PPFIA2: variants seen among roughly 807,000 people sequenced by gnomAD.
PPFIA2 encodes liprin-alpha-2.
A neutral mutation model predicts 175.5 loss-of-function variants in PPFIA2; 46 were observed. The ratio of observed to expected loss-of-function variants is 0.26; its 90% CI spans 0.21 to 0.34. The LOEUF (loss-of-function observed/expected upper bound fraction) is 0.34, where lower values mean the gene tolerates loss of function less well. PPFIA2 is among the 10% of genes least tolerant of loss of function. PPFIA2 has a pLI of 1.00. For missense variants in PPFIA2, 1,179 were observed against 1,506.1 expected (o/e 0.78, Z 3.60); for synonymous variants, 568 against 511.4 (o/e 1.11, Z -1.49).
chr12:81,348,188 A>G (rs2059394343), intron 17 of PPFIA2, among the ~76,000 whole-genome samples: 1 of 152,184 alleles, frequency 6.6e-6, no homozygotes, highest in Admixed American at 6.5e-5. Context: ...AGAAAAAGTG[A>G]AAGATTATAA....
chr12:81,292,456 A>G (rs1181975383), intron 24 of PPFIA2: 1 of 152,006 alleles, frequency 6.6e-6, no homozygotes, highest in Non-Finnish European at 1.5e-5. Context: ...CCTCCTCCTC[A>G]GCGTACTTTC....
intron 5 of PPFIA2, among the ~76,000 whole-genome samples, chr12:81,448,641 G>GT (rs1453665482): frequency 2.0e-5 from 3 of 152,150 alleles, no homozygotes; most frequent in Admixed American, 2.0e-4. Context: ...CTGCCTTGCA[G>GT]TTTTTTGTTT....
chr12:81,696,105 G>A, intron 3 of PPFIA2, among the ~76,000 whole-genome samples: 1 of 151,986 alleles, frequency 6.6e-6, no homozygotes, highest in South Asian at 2.1e-4. Context: ...TGTAACCTTG[G>A]GCTAGTTACT....
At chr12:81,425,246 A>G (rs2046943002) in intron 7 of PPFIA2, among the ~76,000 whole-genome samples, 2 of 152,164 alleles carry the variant, frequency 1.3e-5, no homozygotes, top group Non-Finnish European at 2.9e-5. Context: ...GCTTTCTGAG[A>G]ACGATAAAAC....
At chr12:81,294,281 T>G (rs1201367110) in intron 24 of PPFIA2, among the ~76,000 whole-genome samples, 1 of 151,986 alleles carries the variant, frequency 6.6e-6, no homozygotes, top group African/African-American at 2.4e-5. Context: ...ATGTACCCCC[T>G]GAATCTATAA....
chr12:81,447,199 C>T lies in PPFIA2; in HGVS notation c.406-1479G>A, dbSNP rs1274208513. Among the ~76,000 whole-genome samples, 6 of 151,956 alleles carry T rather than the reference C, an allele frequency of 3.9e-5. No homozygotes were observed. The East Asian group carries it at 1.2e-3, about 29-fold the overall frequency. On this transcript the variant is annotated intron_variant, in intron 5 of 32. Coordinates refer to ENST00000549396, the MANE Select transcript of PPFIA2 (RefSeq NM_003625.5). ...AATAACCTGAAATTTTCAAGGAGCC[C>T]TTTAAAATTTATCAATCTCTGATTA...
At chr12:81,608,640 T>C (rs769455770) in intron 4 of PPFIA2, among the ~76,000 whole-genome samples, 4 of 152,104 alleles carry the variant, frequency 2.6e-5, no homozygotes, top group Non-Finnish European at 4.4e-5. Flanking sequence ...AGTTGTAATG[T>C]CATCTTTATC....
At chr12:81,604,897 G>T (rs1338043729) in intron 4 of PPFIA2, among the ~76,000 whole-genome samples, 2 of 151,544 alleles carry the variant, frequency 1.3e-5, no homozygotes, top group African/African-American at 4.8e-5. Context: ...AACTTAAAAC[G>T]GAGTAAATTA....
In PPFIA2 at chr12:81,493,787, T is replaced by TATATAGACAC. The variant is rs1491517743; in HGVS notation, c.304-35922_304-35921insGTGTCTATAT. 3.1e-3 allele frequency among the ~76,000 whole-genome samples: 392 copies of TATATAGACAC among 128,348 alleles called. 3 individuals are homozygous for TATATAGACAC. Among genetic ancestry groups the TATATAGACAC allele is most frequent in the African/African-American group, 0.012 (376 of 32,456 alleles). 84.2% of individuals were successfully genotyped at this position (128,348 alleles called of 152,430 possible). A position where few individuals can be genotyped will look rare whatever the true frequency, so the allele number is the denominator to read the frequency against. On this transcript the variant is annotated intron_variant, in intron 4 of 32. Transcript: ENST00000549396. ...ATATATATATATATATATATATATA[T>TATATAGACAC]ACACATTGGAAAAAATAACAGCATT... is the stretch of plus-strand genomic sequence containing the variant.
chr12:81,544,655 G>A (rs1163815295), intron 4 of PPFIA2, among the ~76,000 whole-genome samples: 1 of 152,056 alleles, frequency 6.6e-6, no homozygotes, highest in African/African-American at 2.4e-5. Context: ...ACAGAGAACT[G>A]CATGCTTTTG....
At position 81,369,110 on chromosome 12, in the gene PPFIA2, C is replaced by A; in HGVS notation, c.1350+1G>T. The A allele has an allele frequency of 6.3e-7, 1 of 1,592,296 alleles. No individual in the cohort carries two copies. The highest frequency in any genetic ancestry group is 8.6e-7 in the Non-Finnish European group (1 of 1,162,926). On this transcript the variant is annotated splice_donor_variant, in intron 12 of 32. Coordinates refer to ENST00000549396, the MANE Select transcript of PPFIA2 (RefSeq NM_003625.5). LOFTEE classifies it high-confidence loss of function. ...GGGGTAATAGTTCTTAATATACATA[C>A]TCTTTGAAGTTCTTGATTCTTCTCT...
chr12:81,494,178 T>A (rs528138274), intron 4 of PPFIA2, among the ~76,000 whole-genome samples: 58 of 151,930 alleles, frequency 3.8e-4, no homozygotes, highest in African/African-American at 1.4e-3. Context: ...GGGAAAAAAT[T>A]TTCGCAACCT....
chr12:81,567,222 T>C (rs553895241), intron 4 of PPFIA2, among the ~76,000 whole-genome samples: 3 of 152,246 alleles, frequency 2.0e-5, no homozygotes, highest in South Asian at 2.1e-4. Flanking sequence ...TAATTTCTTT[T>C]GTATTTTTAG....
At chr12:81,738,336 A>G (rs1459013329) in intron 3 of PPFIA2, among the ~76,000 whole-genome samples, 3 of 151,986 alleles carry the variant, frequency 2.0e-5, no homozygotes, top group Non-Finnish European at 4.4e-5. Flanking sequence ...ACTCATCTGC[A>G]GACGTACAGT....
Position 81,574,574 on chromosome 12 carries a change from A to G in PPFIA2, c.303+102217T>C, listed in dbSNP as rs1417879842. Among the ~76,000 whole-genome samples the G allele has an allele frequency of 2.0e-5, 3 of 151,964 alleles. No individual in the cohort carries two copies. In the East Asian group the frequency reaches 5.8e-4, roughly 29 times the overall value. On this transcript the variant is annotated intron_variant, in intron 4 of 32. Coordinates refer to ENST00000549396, the MANE Select transcript of PPFIA2 (RefSeq NM_003625.5). ...CCAATTGAATGCAATAAAAAATTGCAAAACCTACTAAGTACCTTTTTAGTC... is the reference window on the plus strand; with the variant it reads ...CCAATTGAATGCAATAAAAAATTGCGAAACCTACTAAGTACCTTTTTAGTC...
intron 8 of PPFIA2, among the ~76,000 whole-genome samples, chr12:81,384,594 CTATGA>C (rs1430235236): frequency 6.6e-6 from 1 of 151,778 alleles, no homozygotes; most frequent in Non-Finnish European, 1.5e-5. Flanking sequence ...ATTTACAATG[CTATGA>C]TATAACACCA....
intron 4 of PPFIA2, among the ~76,000 whole-genome samples, chr12:81,648,721 ATTGTAGC>A (rs2066552479): frequency 6.6e-6 from 1 of 151,992 alleles, no homozygotes; most frequent in Non-Finnish European, 1.5e-5. Flanking sequence ...TAAGAACAAA[ATTGTAGC>A]TCTTTCAAGG....
chr12:81,583,755 T>C (rs948773721), intron 4 of PPFIA2, among the ~76,000 whole-genome samples: 3 of 151,840 alleles, frequency 2.0e-5, no homozygotes, highest in African/African-American at 7.2e-5. Context: ...TCTGGAGGCC[T>C]AGGGTCCACA....
At chr12:81,314,820 A>G (rs2051897558) in intron 22 of PPFIA2, among the ~76,000 whole-genome samples, 1 of 151,878 alleles carries the variant, frequency 6.6e-6, no homozygotes, top group Non-Finnish European at 1.5e-5. Flanking sequence ...TTAACATCAA[A>G]TTGAGTAGTT....
Sources: allele counts gnomAD v4.1 joint callset (sites outside exome capture counted in the v4.1 genomes callset), GRCh38; gene constraint gnomAD v4.1.1; transcripts MANE v1.5; gene names NCBI Gene and HGNC (gene_info 2026-07-23, HGNC 2026-07-21).